The following LDB3 variants were observed in gnomAD, a reference collection of about 807,000 sequenced individuals.
LDB3 encodes LIM domain binding 3, also known as LIM domain-binding protein 3.
A neutral mutation model predicts 69.0 loss-of-function variants in LDB3; 49 were observed. The ratio of observed to expected loss-of-function variants is 0.71; its 90% CI spans 0.56 to 0.90. LDB3 has a LOEUF of 0.90. LDB3 is among the 40% of genes least tolerant of loss of function. The probability of loss-of-function intolerance (pLI) is 0.00; values close to 1 mark genes in which losing one functional copy is unlikely to be tolerated. For missense variants in LDB3, 928 were observed against 974.1 expected, an observed-to-expected ratio of 0.95 and a Z score of 0.63; for synonymous variants, 387 against 396.2, an observed-to-expected ratio of 0.98 and a Z score of 0.28.
At chr10:86,679,064 T>C (rs935149450) in intron 2 of LDB3, among the ~76,000 whole-genome samples, 1 of 152,050 alleles carries the variant, frequency 6.6e-6, no homozygotes, top group African/African-American at 2.4e-5. Flanking sequence ...AAGCAGAGAG[T>C]GTGCAGGATC....
At chr10:86,727,637 G>A (rs958415995) in intron 13 of LDB3, among the ~76,000 whole-genome samples, 1 of 152,172 alleles carries the variant, frequency 6.6e-6, no homozygotes, top group African/African-American at 2.4e-5. Flanking sequence ...GAGGCCAGAA[G>A]TCCTAAATCA....
chr10:86,699,861 C>A lies in LDB3; in HGVS notation c.897-6670C>A, dbSNP rs1013013799. On this transcript the variant is annotated intron_variant, in intron 7 of 13. Coordinates refer to ENST00000361373, the MANE Select transcript of LDB3 (RefSeq NM_007078.3). This position sits in a 1 kb window ranked among gnomAD's most constrained non-coding sequence, Gnocchi z 4.9. ...CCTCGCTGCCCTCTGGAGCTCAGGG[C>A]AGCCCGGAATAGGGCTCTTTGAAGA... 1 of 1,025,234 alleles carries A rather than the reference C, an allele frequency of 9.8e-7. No individual in the cohort carries two copies. Among genetic ancestry groups the A allele is most frequent in the African/African-American group, 1.7e-5 (1 of 58,950 alleles). The allele number at this position is 1,025,234 out of a possible 1,614,324, so 63.5% of individuals were successfully genotyped here.
chr10:86,712,659 T>C (rs1247787068), intron 9 of LDB3, among the ~76,000 whole-genome samples: 1 of 152,242 alleles, frequency 6.6e-6, no homozygotes, highest in East Asian at 1.9e-4. Flanking sequence ...AGCAGTCATT[T>C]TGGTGAAGGC....
At chr10:86,731,310 C>G (rs1476531774) in intron 13 of LDB3, among the ~76,000 whole-genome samples, 1 of 149,186 alleles carries the variant, frequency 6.7e-6, no homozygotes, top group African/African-American at 2.5e-5. Flanking sequence ...CTGAAACCTC[C>G]GTCTTCCGGG....
At chr10:86,682,842 G>A (rs990378772) in intron 5 of LDB3, among the ~76,000 whole-genome samples, 1 of 152,192 alleles carries the variant, frequency 6.6e-6, no homozygotes, top group Non-Finnish European at 1.5e-5. Context: ...GTAGGAATCC[G>A]GTCAGTCTGG....
intron 13 of LDB3, 158 bp downstream of exon 13, chr10:86,726,410 A>G (rs1847259563): frequency 3.0e-6 from 2 of 672,886 alleles, no homozygotes; most frequent in Admixed American, 4.5e-5. Flanking sequence ...GATACATCAC[A>G]GTCGAACAAA....
chr10:86,681,882 T>G, intron 5 of LDB3, 79 bp downstream of exon 5: 1 of 1,437,340 alleles, frequency 7.0e-7, no homozygotes. Context: ...CCTGGTCAGG[T>G]GGTCAGAGCG....
At chr10:86,691,663 G>A (rs571061947) in intron 5 of LDB3, among the ~76,000 whole-genome samples, 71 of 148,044 alleles carry the variant, frequency 4.8e-4, no homozygotes, top group African/African-American at 1.7e-3. Flanking sequence ...GCAGACCTGA[G>A]GGATCTGAGC....
chr10:86,674,797 T>C (rs1844692454), intron 2 of LDB3, among the ~76,000 whole-genome samples: 1 of 152,116 alleles, frequency 6.6e-6, no homozygotes, highest in Non-Finnish European at 1.5e-5. Flanking sequence ...AAGACAGACG[T>C]GGAAGCATCG....
At chr10:86,700,013 G>A (rs1351315889) in intron 7 of LDB3, 1 of 986,562 alleles carries the variant, frequency 1.0e-6, no homozygotes, top group African/African-American at 1.7e-5. Flanking sequence ...ATATAAGCAT[G>A]CTTGTTCTGA....
chr10:86,723,690 C>G (rs1486833582), intron 12 of LDB3, among the ~76,000 whole-genome samples: 3 of 152,146 alleles, frequency 2.0e-5, no homozygotes, highest in Non-Finnish European at 4.4e-5. Flanking sequence ...CTAAAGGAAG[C>G]AGAACGATGT....
At chr10:86,727,266 C>G (rs1251557299) in intron 13 of LDB3, among the ~76,000 whole-genome samples, 1 of 152,042 alleles carries the variant, frequency 6.6e-6, no homozygotes, top group Non-Finnish European at 1.5e-5. Flanking sequence ...AGGTGATTCA[C>G]CCACCTTGGC....
chr10:86,675,257 G>A (rs995983515), intron 2 of LDB3, among the ~76,000 whole-genome samples: 11 of 152,240 alleles, frequency 7.2e-5, no homozygotes, highest in African/African-American at 2.4e-4. Context: ...GAGACCTGGT[G>A]GGGAGGGCTG....
intron 7 of LDB3, among the ~76,000 whole-genome samples, chr10:86,704,650 G>A (rs1011986374): frequency 1.3e-5 from 2 of 150,968 alleles, no homozygotes; most frequent in Non-Finnish European, 2.9e-5. Context: ...CGTGATCTCG[G>A]CTCACTGCAA....
intron 4 of LDB3, among the ~76,000 whole-genome samples, chr10:86,681,157 C>T (rs920128653): frequency 6.8e-6 from 1 of 146,098 alleles, no homozygotes; most frequent in Admixed American, 6.6e-5. Flanking sequence ...CCTACACCCA[C>T]TTCCTCGGGC....
intron 13 of LDB3, chr10:86,732,363 C>T: frequency 5.5e-6 from 2 of 360,560 alleles, no homozygotes; most frequent in South Asian, 4.3e-5. Context: ...TAATTAATTT[C>T]ATTTGATTTT....
chr10:86,726,034 G>T (rs1338207535), intron 12 of LDB3, 103 bp from the exon 13 acceptor site: 1 of 751,286 alleles, frequency 1.3e-6, no homozygotes, highest in South Asian at 1.4e-5. Context: ...CAACCAATTA[G>T]ATTTCACCCC....
At chr10:86,703,497 C>A (rs1279047134) in intron 7 of LDB3, among the ~76,000 whole-genome samples, 1 of 152,232 alleles carries the variant, frequency 6.6e-6, no homozygotes, top group Admixed American at 6.5e-5. Flanking sequence ...AAGACCTGGG[C>A]AGGATGTAAC....
chr10:86,684,589 C>A (rs1564637421), intron 5 of LDB3, among the ~76,000 whole-genome samples: 1 of 152,246 alleles, frequency 6.6e-6, no homozygotes, highest in Non-Finnish European at 1.5e-5. Context: ...TTTATCAGTT[C>A]TGAGGCAGTG....
Sources: allele counts gnomAD v4.1 joint callset (sites outside exome capture counted in the v4.1 genomes callset), GRCh38; gene constraint gnomAD v4.1.1; non-coding constraint Gnocchi (gnomAD v3.1); transcripts MANE v1.5; gene names NCBI Gene and HGNC (gene_info 2026-07-23, HGNC 2026-07-21).